The following OSBPL6 variants were observed in gnomAD, a reference collection of about 807,000 sequenced individuals.
The protein encoded by OSBPL6 is oxysterol-binding protein-related protein 6.
Under a neutral mutation model 125.8 loss-of-function variants are expected in OSBPL6, and 49 were observed. The ratio of observed to expected loss-of-function variants is 0.39; its 90% CI spans 0.31 to 0.49. The LOEUF is 0.49. OSBPL6 is among the 20% of genes least tolerant of loss of function. The pLI is 0.88. For missense variants in OSBPL6, 986 were observed against 1,135.4 expected (o/e 0.87, Z 1.89); for synonymous variants, 394 against 391.8 (o/e 1.01, Z -0.07).
intron 1 of OSBPL6, among the ~76,000 whole-genome samples, chr2:178,217,271 A>G (rs1559126194): frequency 6.6e-6 from 1 of 152,220 alleles, no homozygotes; most frequent in Non-Finnish European, 1.5e-5. Context: ...ATTTTAAAAT[A>G]GAGTATTTTT....
chr2:178,275,668 A>C (rs867271174), intron 1 of OSBPL6, among the ~76,000 whole-genome samples: 122 of 152,154 alleles, frequency 8.0e-4, no homozygotes, highest in African/African-American at 2.6e-3. Flanking sequence ...TCTCCAGCAA[A>C]TGGTAGGTTT....
At chr2:178,283,191 T>TA (rs1020916042) in intron 1 of OSBPL6, among the ~76,000 whole-genome samples, 13 of 152,236 alleles carry the variant, frequency 8.5e-5, no homozygotes, top group Non-Finnish European at 1.5e-4. Context: ...GAATTTTTTT[T>TA]AAAAATGTTA....
intron 1 of OSBPL6, among the ~76,000 whole-genome samples, chr2:178,267,748 C>T (rs892983837): frequency 6.6e-6 from 1 of 150,668 alleles, no homozygotes; most frequent in African/African-American, 2.4e-5. Flanking sequence ...TTTGGAACAA[C>T]CAAGGAATTT....
intron 1 of OSBPL6, among the ~76,000 whole-genome samples, chr2:178,263,315 C>G (rs951075890): frequency 6.6e-6 from 1 of 152,134 alleles, no homozygotes; most frequent in Non-Finnish European, 1.5e-5. Context: ...CCCATCTCTA[C>G]TAAAAATACA....
chr2:178,296,118 T>C (rs918799329), intron 2 of OSBPL6, among the ~76,000 whole-genome samples: 4 of 152,180 alleles, frequency 2.6e-5, no homozygotes, highest in African/African-American at 9.7e-5. Context: ...GCATACCTGC[T>C]GCCTGCTGGC....
chr2:178,198,736 T>C (rs1269534046), intron 1 of OSBPL6, among the ~76,000 whole-genome samples: 1 of 152,186 alleles, frequency 6.6e-6, no homozygotes, highest in Non-Finnish European at 1.5e-5. Flanking sequence ...CTATCTGTAA[T>C]ATGGACATAC....
chr2:178,372,542 A>G (rs564282580), intron 14 of OSBPL6, among the ~76,000 whole-genome samples: 3 of 150,162 alleles, frequency 2.0e-5, no homozygotes, highest in East Asian at 2.0e-4. Context: ...GGAAGTGTTC[A>G]TTAGCATCAA....
chr2:178,378,437 C>T (rs1406307883), intron 15 of OSBPL6, among the ~76,000 whole-genome samples: 1 of 152,204 alleles, frequency 6.6e-6, no homozygotes, highest in Non-Finnish European at 1.5e-5. Flanking sequence ...GAAAAATCCT[C>T]TTTATATGTT....
intron 12 of OSBPL6, among the ~76,000 whole-genome samples, chr2:178,349,994 G>A (rs1038765615): frequency 6.6e-6 from 1 of 152,208 alleles, no homozygotes; most frequent in African/African-American, 2.4e-5. Context: ...GGTTCCAAGA[G>A]CCTGGTAGTG....
intron 5 of OSBPL6, 105 bp downstream of exon 5, chr2:178,328,483 C>T: frequency 2.1e-6 from 3 of 1,439,966 alleles, no homozygotes; most frequent in Non-Finnish European, 2.8e-6. Context: ...ATGTGTAAAA[C>T]TAGCTTTTTA....
At chr2:178,194,066 C>T (rs1574439909), upstream of OSBPL6, among the ~76,000 whole-genome samples, 3 of 152,354 alleles carry the variant, frequency 2.0e-5, no homozygotes, top group African/African-American at 4.8e-5. Flanking sequence ...GGCTGCGGCG[C>T]TCCTGGGCCG....
intron 1 of OSBPL6, among the ~76,000 whole-genome samples, chr2:178,211,494 C>T (rs2089858970): frequency 6.6e-6 from 1 of 152,148 alleles, no homozygotes; most frequent in African/African-American, 2.4e-5. Context: ...GCCCCAGGAC[C>T]TCCGGTCTCC....
intron 11 of OSBPL6, among the ~76,000 whole-genome samples, chr2:178,344,546 T>C (rs780136476): frequency 6.6e-6 from 1 of 152,226 alleles, no homozygotes; most frequent in Non-Finnish European, 1.5e-5. Flanking sequence ...GGGTATTCCT[T>C]TTTACAATGG....
rs1038013529 is a variant in OSBPL6 at position 178,274,402 on chromosome 2, T to G, written c.-350-10525T>G. ...ATAATAGCAAGCACTTATGTAGTCTTAAGTGCTATATATAAATAAACTAAT... is the reference window on the plus strand; with the variant it reads ...ATAATAGCAAGCACTTATGTAGTCTGAAGTGCTATATATAAATAAACTAAT... On this transcript the variant is annotated intron_variant, in intron 1 of 24. Transcript: ENST00000190611. 3.9e-5 allele frequency among the ~76,000 whole-genome samples: 6 copies of G among 152,112 alleles called. No homozygotes were observed. In the South Asian group the frequency reaches 1.2e-3, roughly 32 times the overall value.
intron 8 of OSBPL6, among the ~76,000 whole-genome samples, chr2:178,334,828 C>G (rs888764441): frequency 6.6e-6 from 1 of 152,114 alleles, no homozygotes; most frequent in African/African-American, 2.4e-5. Context: ...GGCCTTAAAC[C>G]TCACATTATT....
intron 15 of OSBPL6, among the ~76,000 whole-genome samples, chr2:178,375,177 TG>T (rs1693747215): frequency 6.6e-6 from 1 of 152,180 alleles, no homozygotes; most frequent in African/African-American, 2.4e-5. Context: ...AGAGATTGCC[TG>T]ATGAGCAAGG....
At position 178,392,418 on chromosome 2, in the gene OSBPL6, T is replaced by C. The variant is rs1181655991; in HGVS notation, c.2453T>C (p.Met818Thr). ...TTCATTGGCCTCTTTCCAGGTTCCA[T>C]GCCAACAAACTATGAGCTGTACTAT... ...SAKCIWRPGS[M>T]PTNYELYYGF... Residue 818 changes from methionine to threonine, a missense_variant, in exon 23 of 25, where the codon ATG becomes ACG. Around this residue, in one of 3 missense-constraint regions of OSBPL6, gnomAD observed 843 missense variants for 997.3 expected, o/e 0.85. Coordinates refer to ENST00000190611, the MANE Select transcript of OSBPL6 (RefSeq NM_032523.4). 2 of 1,614,034 alleles carry C rather than the reference T, an allele frequency of 1.2e-6. No homozygotes were observed. Among genetic ancestry groups the C allele is most frequent in the Non-Finnish European group, 1.7e-6 (2 of 1,179,902 alleles).
At position 178,356,478 on chromosome 2, in the gene OSBPL6, C is replaced by A. The variant is rs190175528; in HGVS notation, c.1154-5204C>A. ...CAGAGAGCCAAATCATGAGTGAACT[C>A]CCATTCACAATTGCTTCAAAGAGAA... is the stretch of plus-strand genomic sequence containing the variant. On this transcript the variant is annotated intron_variant, in intron 12 of 24. Coordinates refer to ENST00000190611, the MANE Select transcript of OSBPL6 (RefSeq NM_032523.4). 1.6e-3 allele frequency among the ~76,000 whole-genome samples: 246 copies of A among 152,270 alleles called. 1 individual carries two copies. The highest frequency in any genetic ancestry group is 3.4e-3 in the Middle Eastern group (1 of 294).
chr2:178,327,431 A>G (rs1688791620), intron 4 of OSBPL6, among the ~76,000 whole-genome samples: 1 of 152,192 alleles, frequency 6.6e-6, no homozygotes, highest in Non-Finnish European at 1.5e-5. Flanking sequence ...GCCACTAAAT[A>G]TAGTGGATAT....
Sources: allele counts gnomAD v4.1 joint callset (sites outside exome capture counted in the v4.1 genomes callset), GRCh38; gene constraint gnomAD v4.1.1; regional missense constraint gnomAD v4.1.1; transcripts MANE v1.5; gene names NCBI Gene and HGNC (gene_info 2026-07-23, HGNC 2026-07-21).